LEMD1: variants seen among roughly 807,000 people sequenced by gnomAD.
LEMD1 encodes LEM domain containing 1, also known as LEM domain-containing protein 1.
Under a neutral mutation model 17.4 loss-of-function variants are expected in LEMD1, and 18 were observed. The ratio of observed to expected loss-of-function variants is 1.04; its 90% confidence interval spans 0.72 to 1.54. The LOEUF (loss-of-function observed/expected upper bound fraction) is 1.54. Among genes scored for constraint, LEMD1 ranks in the 40% most tolerant of loss-of-function variants. LEMD1 has a pLI of 0.00. For synonymous variants in LEMD1, 88 were observed against 77.8 expected (o/e 1.13, Z -0.69); for missense variants, 195 against 210.4 (o/e 0.93, Z 0.45).
chr1:205,400,668 T>C (rs1452065878), intron 4 of LEMD1, among the ~76,000 whole-genome samples: 9 of 152,268 alleles, frequency 5.9e-5, no homozygotes, highest in Admixed American at 3.9e-4. Context: ...GAAGCATCTT[T>C]TATTATAGTA....
At chr1:205,388,552 G>C (rs1414524615) in intron 4 of LEMD1, among the ~76,000 whole-genome samples, 2 of 152,140 alleles carry the variant, frequency 1.3e-5, no homozygotes, top group Non-Finnish European at 2.9e-5. Context: ...TTACAGAGGA[G>C]GAAGTAGAGG....
chr1:205,400,584 AC>A (rs1664795467), intron 4 of LEMD1, among the ~76,000 whole-genome samples: 1 of 152,096 alleles, frequency 6.6e-6, no homozygotes, highest in South Asian at 2.1e-4. Flanking sequence ...AGAAATATAC[AC>A]TTGGTCTTCT....
intron 1 of LEMD1, among the ~76,000 whole-genome samples, chr1:205,438,208 GC>G (rs1215368137): frequency 1.3e-5 from 2 of 152,148 alleles, no homozygotes; most frequent in Non-Finnish European, 2.9e-5. Context: ...GGGAAAACTG[GC>G]CCCCTCACCC....
At chr1:205,397,570 G>C (rs575519191) in intron 4 of LEMD1, among the ~76,000 whole-genome samples, 64 of 152,244 alleles carry the variant, frequency 4.2e-4, no homozygotes, top group South Asian at 2.1e-3. Context: ...CAATCTGGGA[G>C]ATAGAGTGAG....
chr1:205,406,096 G>C (rs1191773562), intron 4 of LEMD1, among the ~76,000 whole-genome samples: 2 of 152,210 alleles, frequency 1.3e-5, no homozygotes, highest in African/African-American at 4.8e-5. Context: ...GGCTGTGTGA[G>C]GTGTCAGTCT....
intron 1 of LEMD1, among the ~76,000 whole-genome samples, chr1:205,443,066 T>C (rs1446297920): frequency 6.6e-6 from 1 of 152,194 alleles, no homozygotes; most frequent in Non-Finnish European, 1.5e-5. Context: ...GGCAGGTGGA[T>C]TCCCGTGTAA....
rs146593520 is a variant in LEMD1 at position 205,449,046 on chromosome 1, T to C, written c.-39+822A>G. On this transcript the variant is annotated intron_variant, in intron 1 of 3. Coordinates refer to the LEMD1 transcript ENST00000367154. Reference sequence around the variant, plus strand: ...GTGAGATCTCTGTCTCCAGACCTGGTTGGAGTCAGAAAGAGGGCTTCAGCT... The same window carrying C: ...GTGAGATCTCTGTCTCCAGACCTGGCTGGAGTCAGAAAGAGGGCTTCAGCT... Among the ~76,000 whole-genome samples, 307 of 152,078 alleles carry C rather than the reference T, an allele frequency of 2.0e-3. 2 individuals are homozygous for C. Among genetic ancestry groups the C allele is most frequent in the African/African-American group, 7.1e-3 (295 of 41,478 alleles).
Position 205,416,294 on chromosome 1 carries a change from G to A in LEMD1, c.208C>T (p.Leu70Phe). ...GAQDSDDSEE[L>F]NIILQGNIIL... ...ATATTTCCTTGCAAAATGATATTAA[G>A]CTCTGGATCATGGGAAACAAAAGGA... Residue 70 changes from leucine (L) to phenylalanine (F), a missense_variant and splice_region_variant, in exon 4 of 6, where the codon CTT becomes TTT. Transcript: ENST00000367153. The A allele has an allele frequency of 6.5e-7, 1 of 1,545,898 alleles. No individual in the cohort carries two copies. The highest frequency in any genetic ancestry group is 8.7e-7 in the Non-Finnish European group (1 of 1,144,050).
chr1:205,395,143 A>G (rs1314908619), intron 4 of LEMD1, among the ~76,000 whole-genome samples: 2 of 152,152 alleles, frequency 1.3e-5, no homozygotes, highest in Non-Finnish European at 2.9e-5. Flanking sequence ...AAAAAACATG[A>G]TGTCTGCAGT....
chr1:205,434,204 CTTTT>C (rs879661553), intron 1 of LEMD1, among the ~76,000 whole-genome samples: 2 of 150,732 alleles, frequency 1.3e-5, no homozygotes, highest in Non-Finnish European at 3.0e-5. Context: ...TTTTCTCTCT[CTTTT>C]GAGACAGGGT....
rs748530028 is a variant in LEMD1, at chr1:205,448,268, C to T, written c.-39+1600G>A. 1.6e-5 allele frequency: 8 copies of T among 512,676 alleles called. No individual in the cohort carries two copies. The highest frequency in any genetic ancestry group is 1.1e-4 in the South Asian group (8 of 70,786). 31.8% of individuals were successfully genotyped at this position (512,676 alleles called of 1,614,324 possible). On this transcript the variant is annotated intron_variant, in intron 1 of 3. Coordinates refer to the LEMD1 transcript ENST00000367154. This position sits in a 1 kb window ranked among gnomAD's most constrained non-coding sequence, Gnocchi z 4.7. ...TGCCCCTTGGTGGCTGGCTCCGAACCTGGTCCCATGGGAGGTGCAGCTGCG... is the reference window on the plus strand; with the variant it reads ...TGCCCCTTGGTGGCTGGCTCCGAACTTGGTCCCATGGGAGGTGCAGCTGCG...
At chr1:205,447,815 T>C (rs1034737380) in intron 1 of LEMD1, among the ~76,000 whole-genome samples, 1 of 152,160 alleles carries the variant, frequency 6.6e-6, no homozygotes, top group Non-Finnish European at 1.5e-5. Flanking sequence ...GTGGCCGGCA[T>C]GGAGTGTTCC....
chr1:205,410,318 T>A (rs7552958), intron 4 of LEMD1, among the ~76,000 whole-genome samples: 48,019 of 152,040 alleles, frequency 0.32, 8,035 homozygotes, highest in African/African-American at 0.41. Flanking sequence ...CTTATATTCT[T>A]CCTCAAGAAA....
chr1:205,407,365 G>A (rs565625607), intron 4 of LEMD1, among the ~76,000 whole-genome samples: 247 of 150,722 alleles, frequency 1.6e-3, no homozygotes, highest in Admixed American at 3.6e-3. Flanking sequence ...TGAACTTGGA[G>A]CCCCACCCCC....
intron 3 of LEMD1, among the ~76,000 whole-genome samples, chr1:205,416,642 G>A (rs940143807): frequency 1.3e-5 from 2 of 152,176 alleles, no homozygotes; most frequent in Non-Finnish European, 2.9e-5. Flanking sequence ...GATAGGAAGG[G>A]AGGATTTTCT....
At chr1:205,444,492 C>T (rs1666350491) in intron 1 of LEMD1, among the ~76,000 whole-genome samples, 1 of 149,350 alleles carries the variant, frequency 6.7e-6, no homozygotes, top group Non-Finnish European at 1.5e-5. Flanking sequence ...CTTGGCCTGA[C>T]CCCCACATCT....
intron 1 of LEMD1, among the ~76,000 whole-genome samples, chr1:205,446,810 C>T (rs1402075839): frequency 6.6e-6 from 1 of 152,194 alleles, no homozygotes; most frequent in Non-Finnish European, 1.5e-5. Flanking sequence ...CTGGCCAATT[C>T]TCATGCCTTG....
chr1:205,388,805 G>A (rs894071442), intron 4 of LEMD1, among the ~76,000 whole-genome samples: 8 of 151,874 alleles, frequency 5.3e-5, no homozygotes, highest in South Asian at 4.2e-4. Flanking sequence ...TTAATTTCTC[G>A]GATGAATTGA....
intron 4 of LEMD1, among the ~76,000 whole-genome samples, chr1:205,402,487 T>C (rs563348291): frequency 6.6e-6 from 1 of 152,324 alleles, no homozygotes; most frequent in African/African-American, 2.4e-5. Flanking sequence ...AGTTCATTCA[T>C]GATTTGGCTC....
Sources: gnomAD v4.1 joint callset for allele counts (sites outside exome capture counted in the v4.1 genomes callset) on GRCh38, gnomAD v4.1.1 for gene constraint, Gnocchi (gnomAD v3.1) non-coding constraint, MANE v1.5 for transcripts, NCBI Gene and HGNC (gene_info 2026-07-23, HGNC 2026-07-21) for gene names.